C2CD5: variants seen among roughly 807,000 people sequenced by gnomAD.
C2CD5 encodes the protein C2 calcium dependent domain containing 5.
C2CD5 carries 109 observed loss-of-function variants against 130.3 expected under a neutral mutation model. That is an observed-to-expected ratio of 0.84 (90% CI 0.72 to 0.98). The LOEUF is 0.98. Among genes scored for constraint, C2CD5 ranks in the 50% least tolerant of loss-of-function variants. The pLI is 0.00. For synonymous variants in C2CD5, 454 were observed against 429.2 expected (o/e 1.06, Z -0.71); for missense variants, 996 against 1,261.8 (o/e 0.79, Z 3.19).
At chr12:22,538,707 C>G (rs1425537251) in intron 2 of C2CD5, among the ~76,000 whole-genome samples, 1 of 152,164 alleles carries the variant, frequency 6.6e-6, no homozygotes, top group South Asian at 2.1e-4. Context: ...GAATGAAATT[C>G]ATTCAATTGA....
chr12:22,457,227 T>C (rs1591926815), intron 24 of C2CD5, 66 bp from the exon 25 acceptor site: 3 of 1,144,980 alleles, frequency 2.6e-6, no homozygotes, highest in Non-Finnish European at 2.5e-6. Context: ...TTCCCTGAGG[T>C]TTCCAAATAA....
chr12:22,493,269 A>C lies in C2CD5; in HGVS notation c.1216T>G (p.Leu406Val). ...TAGCCCACTACAGCATGACAGCCTA[A>C]TGCTTTAGCATGTGATTTTATTTCT... ...RQEIKSHAKA[L>V]GCHAVVGYSE... is the part of the protein sequence containing the mutation. Residue 406 changes from leucine to valine, a missense_variant, in exon 11 of 27, where the codon TTA becomes GTA. Coordinates refer to ENST00000446597, the MANE Select transcript of C2CD5 (RefSeq NM_001286176.2). 1 of 1,611,950 alleles carries C rather than the reference A, an allele frequency of 6.2e-7. No individual in the cohort carries two copies. Among genetic ancestry groups the C allele is most frequent in the African/African-American group, 1.3e-5 (1 of 75,002 alleles).
At chr12:22,454,642 A>G (rs1939454158) in intron 25 of C2CD5, among the ~76,000 whole-genome samples, 1 of 150,416 alleles carries the variant, frequency 6.6e-6, no homozygotes, top group East Asian at 2.0e-4. Context: ...CTTCCGAGAT[A>G]CCTTCTCTGA....
At chr12:22,497,260 A>G (rs751832361) in intron 10 of C2CD5, among the ~76,000 whole-genome samples, 4 of 152,082 alleles carry the variant, frequency 2.6e-5, no homozygotes, top group Non-Finnish European at 4.4e-5. Flanking sequence ...CCAACACTGT[A>G]CTGTATATGT....
chr12:22,470,058 T>C (rs1452051093), intron 21 of C2CD5, among the ~76,000 whole-genome samples: 2 of 152,094 alleles, frequency 1.3e-5, no homozygotes, highest in Non-Finnish European at 2.9e-5. Flanking sequence ...GCTTTGCAAA[T>C]AATAAATGCT....
intron 10 of C2CD5, among the ~76,000 whole-genome samples, chr12:22,503,411 C>A (rs1158901689): frequency 6.6e-6 from 1 of 152,160 alleles, no homozygotes; most frequent in African/African-American, 2.4e-5. Flanking sequence ...AAAATTTCTT[C>A]ATAAATAATT....
At chr12:22,484,995 C>T (rs1945280954) in intron 12 of C2CD5, 107 bp from the exon 13 acceptor site, 1 of 466,016 alleles carries the variant, frequency 2.1e-6, no homozygotes, top group Admixed American at 4.1e-5. Context: ...TACGAACTAT[C>T]CAACTTCTAC....
At chr12:22,466,336 TAACAA>T in intron 22 of C2CD5, among the ~76,000 whole-genome samples, 1 of 151,978 alleles carries the variant, frequency 6.6e-6, no homozygotes, top group Non-Finnish European at 1.5e-5. Flanking sequence ...TTATTTAACT[TAACAA>T]AATGATTAAA....
In C2CD5 at chr12:22,474,366, TCA is replaced by T. The variant is rs144841727; in HGVS notation, c.2043+383_2043+384del. ...AGTAAGAAAATACTACACTCAGAAT[TCA>T]CAGTGATTATACTAAAAAATGTTAT... On this transcript the variant is annotated intron_variant, in intron 16 of 26. Coordinates refer to ENST00000446597, the MANE Select transcript of C2CD5 (RefSeq NM_001286176.2). Among the ~76,000 whole-genome samples the T allele has an allele frequency of 4.5e-3, 683 of 152,216 alleles. 12 individuals carry two copies. The East Asian group carries it at 0.051, about 11-fold the overall frequency.
chr12:22,506,573 A>T (rs942751976), intron 10 of C2CD5, 138 bp downstream of exon 10: 22 of 568,438 alleles, frequency 3.9e-5, no homozygotes, highest in East Asian at 1.4e-4. Flanking sequence ...GACTACAAAT[A>T]TATTAAAGTA....
intron 2 of C2CD5, among the ~76,000 whole-genome samples, chr12:22,535,664 CAGGT>C (rs1951752092): frequency 6.6e-6 from 1 of 152,148 alleles, no homozygotes; most frequent in African/African-American, 2.4e-5. Context: ...AGGATATGAT[CAGGT>C]AAGTCACAGA....
intron 7 of C2CD5, among the ~76,000 whole-genome samples, chr12:22,522,240 G>A (rs1046059234): frequency 2.0e-5 from 3 of 152,068 alleles, no homozygotes; most frequent in Non-Finnish European, 4.4e-5. Flanking sequence ...GTCTTCAACC[G>A]AAGTACTAAA....
intron 2 of C2CD5, among the ~76,000 whole-genome samples, chr12:22,543,772 C>T (rs1417868885): frequency 6.6e-6 from 1 of 152,086 alleles, no homozygotes; most frequent in African/African-American, 2.4e-5. Flanking sequence ...CTTGGGATCT[C>T]CTGAGTGGCA....
intron 10 of C2CD5, among the ~76,000 whole-genome samples, chr12:22,504,395 G>A (rs548979539): frequency 4.3e-4 from 64 of 150,566 alleles, no homozygotes; most frequent in Non-Finnish European, 7.8e-4. Flanking sequence ...TCCGCCTCCC[G>A]GTTTCAAGCA....
In C2CD5 at chr12:22,449,637, C is replaced by G. The variant is rs1938083074; in HGVS notation, c.*123G>C. 1.1e-6 allele frequency: 1 copy of G among 885,110 alleles called. No individual in the cohort carries two copies. The allele number at this position is 885,110 out of a possible 1,614,324, so 54.8% of individuals were successfully genotyped here. A position where few individuals can be genotyped will look rare whatever the true frequency, so the allele number is the denominator to read the frequency against. On this transcript the variant is annotated 3_prime_UTR_variant, in exon 27 of 27. Coordinates refer to ENST00000446597, the MANE Select transcript of C2CD5 (RefSeq NM_001286176.2). ...TGCCTCCAAAAGACTCCAGGCAAAT[C>G]AAATCTACTCAATTCTTCCTTATTT...
rs774582354 is a variant in C2CD5 at position 22,484,746 on chromosome 12, G to A, written c.1501C>T (p.Leu501Phe). Residue 501 changes from leucine (L) to phenylalanine (F), a missense_variant, in exon 13 of 27, where the codon CTC becomes TTC. Physicochemically the swap from Leu to Phe is conservative, Grantham distance 22 (BLOSUM62 0). Coordinates refer to ENST00000446597, the MANE Select transcript of C2CD5 (RefSeq NM_001286176.2). ...VPDVLFTTID[L>F]PTDATVIGKG... ...CCAATAACTGTTGCATCTGTTGGGA[G>A]GTCTATAGTTGTAAACAGAACATCA... The A allele has an allele frequency of 7.5e-6, 12 of 1,602,150 alleles. No homozygotes were observed. The East Asian group carries it at 2.7e-4, about 36-fold the overall frequency.
intron 9 of C2CD5, chr12:22,512,524 C>A: frequency 3.1e-6 from 2 of 654,066 alleles, no homozygotes; most frequent in Admixed American, 3.5e-5. Flanking sequence ...AAAAACTTTG[C>A]ATTACGAAAA....
intron 12 of C2CD5, 101 bp downstream of exon 12, chr12:22,490,021 TG>T (rs1946135989): frequency 1.3e-6 from 1 of 783,168 alleles, no homozygotes; most frequent in African/African-American, 1.7e-5. Context: ...ACTGTACCCC[TG>T]TAAGCCACCC....
At chr12:22,450,038 A>G (rs1938207648) in intron 26 of C2CD5, 147 bp from the exon 27 acceptor site, 1 of 580,428 alleles carries the variant, frequency 1.7e-6, no homozygotes, top group African/African-American at 1.9e-5. Flanking sequence ...AAAATGAGAA[A>G]AGGGTAAGAG....
Sources: gnomAD v4.1 joint callset for allele counts (sites outside exome capture counted in the v4.1 genomes callset) on GRCh38, gnomAD v4.1.1 for gene constraint, MANE v1.5 for transcripts, NCBI Gene and HGNC (gene_info 2026-07-23, HGNC 2026-07-21) for gene names.